SLC7A11: variants seen among roughly 807,000 people sequenced by gnomAD.
The protein encoded by SLC7A11 is solute carrier family 7 member 11.
SLC7A11 carries 35 observed loss-of-function variants against 54.5 expected under a neutral mutation model. That is an observed-to-expected ratio of 0.64 (90% CI 0.49 to 0.85). The LOEUF (loss-of-function observed/expected upper bound fraction) is 0.85, where lower values mean the gene tolerates loss of function less well. Ranked by LOEUF, SLC7A11 falls within the 40% of genes least tolerant of loss-of-function variation. SLC7A11 has a pLI of 0.00. For missense variants in SLC7A11, 583 were observed against 618.1 expected (o/e 0.94, Z 0.60); for synonymous variants, 230 against 225.2 (o/e 1.02, Z -0.19).
intron 6 of SLC7A11, among the ~76,000 whole-genome samples, chr4:138,212,198 C>A (rs1376473096): frequency 6.6e-6 from 1 of 151,772 alleles, no homozygotes; most frequent in Non-Finnish European, 1.5e-5. Context: ...TGAGGTTTGA[C>A]ACTAAAAGTT....
In SLC7A11 at chr4:138,186,693, A is replaced by C. The variant is rs555730194; in HGVS notation, c.792-1449T>G. The stretch of plus-strand genomic sequence containing the variant: ...GATAAATGCTACATTTAAGTAAAGA[A>C]AATCACTGAGCCAATCAAATATAAA... On this transcript the variant is annotated intron_variant, in intron 6 of 11. Transcript: ENST00000280612. 5.9e-5 allele frequency among the ~76,000 whole-genome samples: 9 copies of C among 152,304 alleles called. No individual in the cohort carries two copies. The South Asian group carries it at 1.9e-3, about 32-fold the overall frequency.
chr4:138,233,983 C>T (rs1738145400), intron 2 of SLC7A11, among the ~76,000 whole-genome samples: 2 of 152,146 alleles, frequency 1.3e-5, no homozygotes, highest in Admixed American at 6.5e-5. Flanking sequence ...ATGACTGGGC[C>T]AGATCTCTTG....
At chr4:138,195,915 A>G (rs989206981) in intron 6 of SLC7A11, among the ~76,000 whole-genome samples, 1 of 152,172 alleles carries the variant, frequency 6.6e-6, no homozygotes, top group African/African-American at 2.4e-5. Context: ...CACATGCAGA[A>G]AGGGTTTCTG....
chr4:138,234,190 A>ACT (rs1348233371), intron 2 of SLC7A11, among the ~76,000 whole-genome samples: 3 of 152,230 alleles, frequency 2.0e-5, no homozygotes, highest in African/African-American at 7.2e-5. Flanking sequence ...CATATAGTGG[A>ACT]AACCCAATAT....
intron 6 of SLC7A11, among the ~76,000 whole-genome samples, chr4:138,210,192 C>T (rs13123358): frequency 0.41 from 61,501 of 151,842 alleles, 13,337 homozygotes; most frequent in Middle Eastern, 0.6. Flanking sequence ...CAGCCAGCCT[C>T]ATGCAGAAGG....
intron 11 of SLC7A11, chr4:138,177,276 T>A (rs1736596203): frequency 6.6e-6 from 1 of 152,050 alleles, no homozygotes; most frequent in Admixed American, 6.6e-5. Flanking sequence ...AACTTTTAAC[T>A]GGAATTTAAA....
chr4:138,239,642 T>C (rs1365342166), intron 1 of SLC7A11, among the ~76,000 whole-genome samples: 1 of 151,846 alleles, frequency 6.6e-6, no homozygotes, highest in Admixed American at 6.6e-5. Context: ...TCAAGTGTAA[T>C]GTTAGCTAGT....
At chr4:138,183,533 C>T (rs536145934) in intron 7 of SLC7A11, among the ~76,000 whole-genome samples, 1 of 152,200 alleles carries the variant, frequency 6.6e-6, no homozygotes, top group Admixed American at 6.6e-5. Context: ...AAACAAGCAC[C>T]TTCTCTCTAC....
At position 138,181,857 on chromosome 4, in the gene SLC7A11, T is replaced by C. The variant is rs79493591; in HGVS notation, c.1116+440A>G. ...GTCTCAAATGAATCATGGCACTGTCTAGGATTTTATCAATTGTTTCAATAA... is the reference window on the plus strand; with the variant it reads ...GTCTCAAATGAATCATGGCACTGTCCAGGATTTTATCAATTGTTTCAATAA... On this transcript the variant is annotated intron_variant, in intron 9 of 11. Transcript: ENST00000280612. Among the ~76,000 whole-genome samples, 495 of 152,240 alleles carry C rather than the reference T, an allele frequency of 3.3e-3. 5 individuals are homozygous for C. The highest frequency in any genetic ancestry group is 0.011 in the African/African-American group (452 of 41,560).
chr4:138,196,056 T>C lies in SLC7A11; in HGVS notation c.792-10812A>G, dbSNP rs560995264. ...GGAAGATAGAAAGTTAAGAGGCAGCTTAACAGAGAAAGGAAATGTTTATTC... is the reference window on the plus strand; with the variant it reads ...GGAAGATAGAAAGTTAAGAGGCAGCCTAACAGAGAAAGGAAATGTTTATTC... On this transcript the variant is annotated intron_variant, in intron 6 of 11. Transcript: ENST00000280612. Among the ~76,000 whole-genome samples, 85 of 152,250 alleles carry C rather than the reference T, an allele frequency of 5.6e-4. 1 individual carries two copies. The South Asian group carries it at 0.016, about 29-fold the overall frequency.
intron 3 of SLC7A11, among the ~76,000 whole-genome samples, chr4:138,224,833 AG>A (rs1299093155): frequency 6.6e-6 from 1 of 151,056 alleles, no homozygotes; most frequent in Non-Finnish European, 1.5e-5. Context: ...GAAGGAAGGA[AG>A]GAAGGAAGGA....
chr4:138,229,796 C>T (rs1219028967), intron 3 of SLC7A11, among the ~76,000 whole-genome samples: 2 of 152,106 alleles, frequency 1.3e-5, no homozygotes, highest in African/African-American at 4.8e-5. Flanking sequence ...AGTTTAACTC[C>T]AAAGTGAGTA....
intron 9 of SLC7A11, among the ~76,000 whole-genome samples, chr4:138,181,768 C>T (rs1283259101): frequency 6.6e-6 from 1 of 152,084 alleles, no homozygotes. Context: ...AATTTTACAA[C>T]TCAAATTTAC....
At position 138,223,280 on chromosome 4, in the gene SLC7A11, G is replaced by C. The variant is rs201460766; in HGVS notation, c.565C>G (p.Arg189Gly). The change falls in exon 4 of 12, where the codon CGG becomes GGG. Residue 189 changes from arginine to glycine, a missense_variant. By Grantham distance (125) the Arg-to-Gly change is moderately radical. Transcript: ENST00000280612. ...LNSMSVSWSARIQIFLTFCKL... is the reference protein window; with the variant it reads ...LNSMSVSWSAGIQIFLTFCKL... Reference sequence around the variant, plus strand: ...CAAAAGGTTAAGAAAATCTGGATCCGGGCGCTCCAGCTGACACTCATGCTA... The same window carrying C: ...CAAAAGGTTAAGAAAATCTGGATCCCGGCGCTCCAGCTGACACTCATGCTA... The C allele has an allele frequency of 5.0e-6, 8 of 1,613,426 alleles. No homozygotes were observed. Among genetic ancestry groups the C allele is most frequent in the Admixed American group, 1.7e-5 (1 of 59,996 alleles).
At chr4:138,234,537 C>T (rs1310376120) in intron 2 of SLC7A11, among the ~76,000 whole-genome samples, 3 of 151,744 alleles carry the variant, frequency 2.0e-5, no homozygotes, top group African/African-American at 7.3e-5. Flanking sequence ...CCTCTGTCAA[C>T]AGACACACAC....
At chr4:138,226,337 C>T (rs1024587303) in intron 3 of SLC7A11, among the ~76,000 whole-genome samples, 1 of 152,094 alleles carries the variant, frequency 6.6e-6, no homozygotes, top group Non-Finnish European at 1.5e-5. Flanking sequence ...TGAATACATA[C>T]ATCACACTTT....
intron 3 of SLC7A11, among the ~76,000 whole-genome samples, chr4:138,224,847 GAA>G (rs1491180760): frequency 2.7e-5 from 4 of 150,600 alleles, no homozygotes; most frequent in Admixed American, 6.6e-5. Context: ...AGGAAGGAAG[GAA>G]GGAAGGAAGG....
intron 6 of SLC7A11, among the ~76,000 whole-genome samples, chr4:138,206,346 G>C (rs1259759245): frequency 2.0e-5 from 3 of 149,590 alleles, no homozygotes; most frequent in Non-Finnish European, 3.0e-5. Context: ...TAAAACAAGA[G>C]TTTATTGTTC....
chr4:138,238,841 GGTCT>G (rs1426145759), intron 1 of SLC7A11, among the ~76,000 whole-genome samples: 3 of 151,848 alleles, frequency 2.0e-5, no homozygotes, highest in Non-Finnish European at 4.4e-5. Flanking sequence ...GGGCTCAAGG[GGTCT>G]GTCTGCCTCA....
Sources: allele counts gnomAD v4.1 joint callset (sites outside exome capture counted in the v4.1 genomes callset), GRCh38; gene constraint gnomAD v4.1.1; transcripts MANE v1.5; gene names NCBI Gene and HGNC (gene_info 2026-07-23, HGNC 2026-07-21).